The following ACOT12 variants were observed in gnomAD, a reference collection of about 807,000 sequenced individuals.
ACOT12 encodes acyl-CoA thioesterase 12.
Under a neutral mutation model 67.7 loss-of-function variants are expected in ACOT12, and 51 were observed. That is an observed-to-expected ratio of 0.75 (90% CI 0.60 to 0.95). The LOEUF is 0.95. ACOT12 is among the 40% of genes least tolerant of loss of function. ACOT12 has a pLI of 0.00. For missense variants in ACOT12, 734 were observed against 708.1 expected (o/e 1.04, Z -0.41); for synonymous variants, 251 against 244.6 (o/e 1.03, Z -0.24).
At chr5:81,308,787 C>T in the ACOT12 span, 1 of 1,526,124 alleles carries the variant, frequency 6.6e-7, no homozygotes, top group Non-Finnish European at 8.8e-7. Context: ...TTTTTTAACA[C>T]AATTTGTTAC....
chr5:81,364,636 C>T (rs1468369465), intron 3 of ACOT12, among the ~76,000 whole-genome samples: 1 of 152,090 alleles, frequency 6.6e-6, no homozygotes, highest in Non-Finnish European at 1.5e-5. Context: ...ACCATGTTGG[C>T]CAGGATGGTC....
chr5:81,380,626 A>T (rs898392634), intron 2 of ACOT12, among the ~76,000 whole-genome samples: 11 of 152,060 alleles, frequency 7.2e-5, no homozygotes, highest in Non-Finnish European at 1.6e-4. Flanking sequence ...ATACAAACAA[A>T]CATACATCTG....
chr5:81,390,118 C>T (rs1218236239), intron 1 of ACOT12, among the ~76,000 whole-genome samples: 1 of 150,620 alleles, frequency 6.6e-6, no homozygotes, highest in Non-Finnish European at 1.5e-5. Flanking sequence ...CCATGCCTGG[C>T]TAATTTTAAC....
the ACOT12 span, among the ~76,000 whole-genome samples, chr5:81,311,757 T>G: frequency 5.3e-5 from 8 of 152,344 alleles, no homozygotes; most frequent in African/African-American, 1.9e-4. Context: ...CTGGCGATTT[T>G]CTTCCTGATG....
chr5:81,348,935 C>T (rs1759468007), intron 5 of ACOT12, among the ~76,000 whole-genome samples: 1 of 152,258 alleles, frequency 6.6e-6, no homozygotes, highest in South Asian at 2.1e-4. Flanking sequence ...ATGGAAAAAT[C>T]ATTTACTCTG....
chr5:81,384,573 T>C (rs1400484076), intron 2 of ACOT12, among the ~76,000 whole-genome samples: 1 of 152,124 alleles, frequency 6.6e-6, no homozygotes. Context: ...GCTGCACAAG[T>C]TTGTAGCCTA....
At chr5:81,383,486 T>C (rs538587423) in intron 2 of ACOT12, among the ~76,000 whole-genome samples, 1 of 152,340 alleles carries the variant, frequency 6.6e-6, no homozygotes, top group South Asian at 2.1e-4. Context: ...ATGTAAATTC[T>C]ATAAAACAAA....
chr5:81,335,871 C>T lies in ACOT12; in HGVS notation c.1159G>A (p.Val387Ile), dbSNP rs767663717. 1.2e-6 allele frequency: 2 copies of T among 1,613,846 alleles called. No individual in the cohort carries two copies. The highest frequency in any genetic ancestry group is 2.2e-5 in the South Asian group (2 of 91,004). The change falls in exon 12 of 15, where the codon GTT becomes ATT. Residue 387 changes from valine (V) to isoleucine (I), a missense_variant. Transcript: ENST00000307624. Reference protein sequence around the residue: ...IKIYTLEEHDVLSVWVEKHVG... With the variant: ...IKIYTLEEHDILSVWVEKHVG... ...TGCTTTTCAACCCAAACAGATAAAA[C>T]ATCATGCTCTTCCAGAGTATATATT...
chr5:81,368,838 A>T (rs1053350499), intron 3 of ACOT12, among the ~76,000 whole-genome samples: 3 of 152,090 alleles, frequency 2.0e-5, no homozygotes, highest in African/African-American at 7.2e-5. Flanking sequence ...TGCTAAGTAA[A>T]ATAAATTAGA....
At chr5:81,356,124 A>G (rs77346906) in intron 5 of ACOT12, among the ~76,000 whole-genome samples, 2,980 of 152,162 alleles carry the variant, frequency 0.02, 93 homozygotes, top group African/African-American at 0.066. Context: ...GCCTGTGTAT[A>G]TGACATAAAG....
At chr5:81,377,746 A>C (rs1760463492) in intron 2 of ACOT12, among the ~76,000 whole-genome samples, 1 of 152,220 alleles carries the variant, frequency 6.6e-6, no homozygotes. Flanking sequence ...ATTGCTTCAA[A>C]GAGAATAAAA....
intron 5 of ACOT12, among the ~76,000 whole-genome samples, chr5:81,352,582 A>G (rs1339462207): frequency 6.6e-6 from 1 of 152,096 alleles, no homozygotes. Context: ...TGGAGATAGC[A>G]GAAGCATGCT....
Position 81,335,787 on chromosome 5 carries a change from A to G in ACOT12, c.1243T>C (p.Leu415=). The G allele has an allele frequency of 6.2e-7, 1 of 1,610,346 alleles. No individual in the cohort carries two copies. ...RLLSDFTKRP[L]WDPHFVSCEV... ...TCTTACACAAAATGGGGGTCCCACA[A>G]AGGTCGCTTTGTAAAGTCAGACAAG... The change falls in exon 12 of 15, where the codon TTG becomes CTG. Residue 415 remains leucine (L), a synonymous_variant. Transcript: ENST00000307624.
chr5:81,309,010 T>C, the ACOT12 span: 104 of 1,612,778 alleles, frequency 6.4e-5, no homozygotes, highest in African/African-American at 1.3e-3. Flanking sequence ...GATCTTGTCC[T>C]GATAATCCCA....
the ACOT12 span, among the ~76,000 whole-genome samples, chr5:81,317,322 C>T: frequency 7.9e-5 from 12 of 151,980 alleles, no homozygotes; most frequent in South Asian, 4.2e-4. Flanking sequence ...GCCAACATGG[C>T]GAAACCCCGA....
At chr5:81,332,756 A>G in intron 12 of ACOT12, 151 bp from the exon 13 acceptor site, 1 of 928,176 alleles carries the variant, frequency 1.1e-6, no homozygotes. Context: ...TTATTGCTCA[A>G]GTCTGCCTTT....
At chr5:81,327,190 CAT>C (rs1379598666), downstream of ACOT12, among the ~76,000 whole-genome samples, 11 of 144,646 alleles carry the variant, frequency 7.6e-5, no homozygotes, top group South Asian at 2.2e-4. Flanking sequence ...TATACACACA[CAT>C]ATATATAATA....
chr5:81,358,245 A>G (rs1759785572), intron 5 of ACOT12, among the ~76,000 whole-genome samples: 1 of 152,152 alleles, frequency 6.6e-6, no homozygotes, highest in African/African-American at 2.4e-5. Flanking sequence ...TGAGTTTCCT[A>G]AGATGTCCTA....
At position 81,374,671 on chromosome 5, in the gene ACOT12, CA is replaced by C. The variant is rs568085192; in HGVS notation, c.198-2862del. Among the ~76,000 whole-genome samples, 616 of 152,194 alleles carry C rather than the reference CA, an allele frequency of 4.0e-3. 4 individuals are homozygous for C. The highest frequency in any genetic ancestry group is 0.014 in the African/African-American group (576 of 41,528). On this transcript the variant is annotated intron_variant, in intron 2 of 14. Transcript: ENST00000307624. ...AATGACCTGATGGAGCTGAAAAACA[CA>C]GCACGAGAACTTCATGAAGCATAAA...
Sources: allele counts gnomAD v4.1 joint callset (sites outside exome capture counted in the v4.1 genomes callset), GRCh38; gene constraint gnomAD v4.1.1; transcripts MANE v1.5; gene names NCBI Gene and HGNC (gene_info 2026-07-23, HGNC 2026-07-21).